Variants in RER1 observed in about 807,000 individuals in gnomAD.
RER1 encodes the protein protein RER1.
In RER1, 6 loss-of-function variants were observed where a neutral mutation model predicts 28.3. That is an observed-to-expected ratio of 0.21 (90% CI 0.12 to 0.42). The LOEUF (loss-of-function observed/expected upper bound fraction) is 0.42, where lower values mean the gene tolerates loss of function less well. Ranked by LOEUF, RER1 falls within the 10% of genes least tolerant of loss-of-function variation. The probability of loss-of-function intolerance (pLI) is 1.00; values close to 1 mark genes in which losing one functional copy is unlikely to be tolerated. For missense variants in RER1, 159 were observed against 252.9 expected, an observed-to-expected ratio of 0.63 and a Z score of 2.52; for synonymous variants, 110 against 95.9, an observed-to-expected ratio of 1.15 and a Z score of -0.86.
At chr1:2,402,376 A>G (rs746708028) in intron 6 of RER1, 34 bp downstream of exon 6, 9 of 1,613,406 alleles carry the variant, frequency 5.6e-6, no homozygotes, top group South Asian at 5.5e-5. Flanking sequence ...CGCCGGCCGC[A>G]ATCGCTGTTC....
chr1:2,395,430 G>A (rs1244992459), intron 1 of RER1: 2 of 314,362 alleles, frequency 6.4e-6, no homozygotes, highest in African/African-American at 4.3e-5. Context: ...CTTGGAGGGA[G>A]GACATGCAGT....
chr1:2,403,067 A>C lies in RER1; in HGVS notation c.534A>C (p.Thr178=). 6.2e-7 allele frequency: 1 copy of C among 1,614,110 alleles called. No homozygotes were observed. Among genetic ancestry groups the C allele is most frequent in the South Asian group, 1.1e-5 (1 of 91,070 alleles). Residue 178 remains threonine (T), a synonymous_variant, in exon 7 of 7, where the codon ACA becomes ACC. Coordinates refer to ENST00000605895, the MANE Select transcript of RER1 (RefSeq NM_007033.5). ...HMIKYRYIPF[T]HGKRRYRGKE... is the part of the protein sequence containing the mutation. ...TTAAGTACCGGTACATCCCGTTCAC[A>C]CATGGGAAGAGAAGGTACAGAGGCA...
intron 4 of RER1, among the ~76,000 whole-genome samples, chr1:2,399,893 C>T (rs1244897757): frequency 1.3e-5 from 2 of 152,226 alleles, no homozygotes; most frequent in Non-Finnish European, 2.9e-5. Context: ...TTACCTTTTC[C>T]CGTAGCCAGA....
intron 1 of RER1, chr1:2,394,303 G>C (rs1642736453): frequency 6.6e-6 from 1 of 152,238 alleles, no homozygotes; most frequent in South Asian, 2.1e-4. Flanking sequence ...GCCACATTCT[G>C]CACAGACTTG....
Position 2,399,510 on chromosome 1 carries a change from C to T in RER1, c.282C>T (p.Asp94=), listed in dbSNP as rs753308057. ...AAGTGGATCCTTCCTTAATGGAAGA[C>T]TCAGGTAGGGTAGCGGCTGTGCACT... ...SPKVDPSLME[D]SDDGPSLPTK... Residue 94 remains aspartate, a synonymous_variant, in exon 4 of 7, where the codon GAC becomes GAT. Coordinates refer to ENST00000605895, the MANE Select transcript of RER1 (RefSeq NM_007033.5). The T allele has an allele frequency of 7.1e-5, 113 of 1,599,528 alleles. No individual in the cohort carries two copies. The highest frequency in any genetic ancestry group is 9.6e-5 in the Non-Finnish European group (112 of 1,166,864).
Position 2,395,831 on chromosome 1 carries a change from A to G in RER1, c.41A>G (p.Lys14Arg). 1 of 1,614,152 alleles carries G rather than the reference A, an allele frequency of 6.2e-7. No individual in the cohort carries two copies. Among genetic ancestry groups the G allele is most frequent in the South Asian group, 1.1e-5 (1 of 91,084 alleles). The change falls in exon 2 of 7, where the codon AAA (lysine) becomes AGA (arginine). Residue 14 changes from lysine to arginine, a missense_variant. Lys to Arg is a conservative substitution (Grantham distance 26). Transcript: ENST00000605895. ...AGTGTGGGAGAATCCGTCCATGGGA[A>G]ACCTTCGGTGGTGTACAGATTTTTC... ...GDSVGESVHGKPSVVYRFFTR... is the reference protein window; with the variant it reads ...GDSVGESVHGRPSVVYRFFTR...
chr1:2,399,596 A>G, intron 4 of RER1, 82 bp downstream of exon 4: 2 of 823,584 alleles, frequency 2.4e-6, no homozygotes, highest in Non-Finnish European at 4.3e-6. Flanking sequence ...TTCTCTGGAA[A>G]CACCCGAGAC....
Position 2,402,195 on chromosome 1 carries a change from C to T in RER1, c.366-12C>T, listed in dbSNP as rs761547261. 2.5e-5 allele frequency: 40 copies of T among 1,613,982 alleles called. No homozygotes were observed. In the South Asian group the frequency reaches 4.2e-4, roughly 17 times the overall value. On this transcript the variant is annotated splice_polypyrimidine_tract_variant and intron_variant, in intron 5 of 6. Coordinates refer to ENST00000605895, the MANE Select transcript of RER1 (RefSeq NM_007033.5). ...TGCAGATGCGGCGCTAACCTTCTCT[C>T]CCCACTTGAAGGCATGCGGCTACCA...
intron 3 of RER1, 58 bp from the exon 4 acceptor site, chr1:2,399,357 T>C: frequency 8.4e-7 from 1 of 1,191,922 alleles, no homozygotes; most frequent in East Asian, 2.3e-5. Context: ...AAACGTGAAC[T>C]GGCTCAGGCT....
At chr1:2,401,045 C>G (rs1570082855) in intron 5 of RER1, 110 bp downstream of exon 5, 1 of 927,182 alleles carries the variant, frequency 1.1e-6, no homozygotes, top group Non-Finnish European at 1.8e-6. Context: ...CTGTGCTGGG[C>G]TGGGCACGGG....
Position 2,400,432 on chromosome 1 carries a change from C to T in RER1, c.287-425C>T, listed in dbSNP as rs556312668. 4.1e-3 allele frequency among the ~76,000 whole-genome samples: 620 copies of T among 152,326 alleles called. 4 individuals are homozygous for T. Among genetic ancestry groups the T allele is most frequent in the African/African-American group, 0.014 (588 of 41,572 alleles). On this transcript the variant is annotated intron_variant, in intron 4 of 6. Coordinates refer to ENST00000605895, the MANE Select transcript of RER1 (RefSeq NM_007033.5). Reference sequence around the variant, plus strand: ...GCGGCACCCATCCCAGTGGGGGAGGCGGGGTGAGAGTGGGCTTGGCACAGC... The same window carrying T: ...GCGGCACCCATCCCAGTGGGGGAGGTGGGGTGAGAGTGGGCTTGGCACAGC...
chr1:2,398,178 A>C (rs1019845164), intron 3 of RER1, among the ~76,000 whole-genome samples: 1 of 151,868 alleles, frequency 6.6e-6, no homozygotes, highest in Non-Finnish European at 1.5e-5. Context: ...CCTGCAGCCG[A>C]GGATGGACAC....
chr1:2,403,655 TTA>T lies in RER1; in HGVS notation c.*532_*533del, dbSNP rs1275898916. On this transcript the variant is annotated 3_prime_UTR_variant, in exon 7 of 7. Coordinates refer to ENST00000605895, the MANE Select transcript of RER1 (RefSeq NM_007033.5). The stretch of plus-strand genomic sequence containing the variant: ...CCTAATTCCATCTCACTGGAGATGT[TTA>T]AAGTTGGCCTCTATCCTAATGACTC... 1 of 154,078 alleles carries T rather than the reference TTA, an allele frequency of 6.5e-6. No homozygotes were observed. Among genetic ancestry groups the T allele is most frequent in the African/African-American group, 2.4e-5 (1 of 41,458 alleles). 9.5% of individuals were successfully genotyped at this position (154,078 alleles called of 1,614,324 possible). A position where few individuals can be genotyped will look rare whatever the true frequency, so the allele number is the denominator to read the frequency against.
intron 2 of RER1, among the ~76,000 whole-genome samples, chr1:2,396,614 C>T (rs1365975610): frequency 1.3e-5 from 2 of 152,222 alleles, no homozygotes; most frequent in African/African-American, 4.8e-5. Context: ...ACTAAGGGCT[C>T]CTTCGGTCAT....
Position 2,401,998 on chromosome 1 carries a change from G to A in RER1, c.366-209G>A, listed in dbSNP as rs1444151939. The A allele has an allele frequency of 2.7e-6, 4 of 1,491,404 alleles. No individual in the cohort carries two copies. In the African/African-American group the frequency reaches 4.2e-5, roughly 16 times the overall value. 92.4% of individuals were successfully genotyped at this position (1,491,404 alleles called of 1,614,324 possible). A position where few individuals can be genotyped will look rare whatever the true frequency, so the allele number is the denominator to read the frequency against. On this transcript the variant is annotated intron_variant, in intron 5 of 6. Transcript: ENST00000605895. The stretch of plus-strand genomic sequence containing the variant: ...AGAATTGTGTCTTTCAAGGGAGTAA[G>A]AGAAGGATGTTTCTGTGGTTAGGGC...
intron 5 of RER1, among the ~76,000 whole-genome samples, chr1:2,401,578 C>T (rs1642864531): frequency 6.6e-6 from 1 of 151,252 alleles, no homozygotes; most frequent in South Asian, 2.1e-4. Flanking sequence ...GGAGCGTGTG[C>T]ATCCGTTTGT....
chr1:2,395,357 G>A (rs750460473), intron 1 of RER1: 26 of 221,182 alleles, frequency 1.2e-4, no homozygotes, highest in Non-Finnish European at 2.0e-4. Flanking sequence ...ACCCAGGACA[G>A]GGCGTGGAGC....
At chr1:2,402,379 C>T (rs770800796) in intron 6 of RER1, 37 bp downstream of exon 6, 25 of 1,613,034 alleles carry the variant, frequency 1.5e-5, no homozygotes, top group South Asian at 4.4e-5. Flanking sequence ...CGGCCGCAAT[C>T]GCTGTTCTGT....
chr1:2,394,240 C>T (rs1185213859), intron 1 of RER1: 1 of 152,202 alleles, frequency 6.6e-6, no homozygotes, highest in Non-Finnish European at 1.5e-5. Context: ...GCCCCTCGGT[C>T]TCCTTGAGCA....
Sources: allele counts gnomAD v4.1 joint callset (sites outside exome capture counted in the v4.1 genomes callset), GRCh38; gene constraint gnomAD v4.1.1; transcripts MANE v1.5; gene names NCBI Gene and HGNC (gene_info 2026-07-23, HGNC 2026-07-21).